Variants in CTNNA3 observed in about 807,000 individuals in gnomAD.
CTNNA3 encodes catenin alpha-3.
A neutral mutation model predicts 95.7 loss-of-function variants in CTNNA3; 76 were observed. The observed-to-expected ratio is 0.79, with a 90% confidence interval of 0.66 to 0.96. The LOEUF (loss-of-function observed/expected upper bound fraction) is 0.96. Among genes scored for constraint, CTNNA3 ranks in the 40% least tolerant of loss-of-function variants. The probability of loss-of-function intolerance (pLI) is 0.00; values close to 1 mark genes in which losing one functional copy is unlikely to be tolerated. For synonymous variants in CTNNA3, 431 were observed against 374.4 expected, an observed-to-expected ratio of 1.15 and a Z score of -1.74; for missense variants, 1,191 against 1,089.8, an observed-to-expected ratio of 1.09 and a Z score of -1.31.
chr10:66,369,923 G>T (rs1480132258), intron 12 of CTNNA3, among the ~76,000 whole-genome samples: 1 of 152,008 alleles, frequency 6.6e-6, no homozygotes, highest in Non-Finnish European at 1.5e-5. Flanking sequence ...ACCCAACCAG[G>T]ACTACATCTG....
At chr10:66,216,670 C>T (rs945188502) in intron 13 of CTNNA3, among the ~76,000 whole-genome samples, 4 of 152,298 alleles carry the variant, frequency 2.6e-5, no homozygotes, top group African/African-American at 9.6e-5. Context: ...CACAGTCTGT[C>T]TGACTTGAGG....
rs544372644 is a variant in CTNNA3, at chr10:66,890,038, G to A, written c.1048-114514C>T. On this transcript the variant is annotated intron_variant, in intron 7 of 17. Transcript: ENST00000433211. ...ACTCCTGACCTCAAGTGATCCACCC[G>A]CCTTGGCTTCCCAAAGTGCTGGGAT... Among the ~76,000 whole-genome samples, 47 of 152,124 alleles carry A rather than the reference G, an allele frequency of 3.1e-4. 1 individual carries two copies. The highest frequency in any genetic ancestry group is 5.3e-4 in the Non-Finnish European group (36 of 67,976).
intron 11 of CTNNA3, among the ~76,000 whole-genome samples, chr10:66,487,727 A>G (rs189019074): frequency 6.6e-6 from 1 of 152,274 alleles, no homozygotes; most frequent in African/African-American, 2.4e-5. Context: ...CAAAACAAAA[A>G]ACCTTGCAAT....
chr10:66,489,449 C>G (rs563688193), intron 11 of CTNNA3, among the ~76,000 whole-genome samples: 1 of 152,036 alleles, frequency 6.6e-6, no homozygotes, highest in Non-Finnish European at 1.5e-5. Context: ...GAATGGCCAA[C>G]TGGAAGAATT....
intron 5 of CTNNA3, among the ~76,000 whole-genome samples, chr10:67,481,430 T>C (rs1848224755): frequency 6.6e-6 from 1 of 152,090 alleles, no homozygotes; most frequent in Admixed American, 6.6e-5. Flanking sequence ...TTCAGTAAAG[T>C]GTCAGGATAC....
chr10:67,609,115 C>T (rs111420460), intron 2 of CTNNA3, among the ~76,000 whole-genome samples: 1 of 139,246 alleles, frequency 7.2e-6, no homozygotes, highest in Non-Finnish European at 1.5e-5. Context: ...AAAAAACAAC[C>T]CATTTCTTAA....
intron 7 of CTNNA3, among the ~76,000 whole-genome samples, chr10:66,994,357 T>C (rs767460281): frequency 6.6e-6 from 1 of 152,216 alleles, no homozygotes; most frequent in Non-Finnish European, 1.5e-5. Context: ...GAAATTTGCT[T>C]CTACATTAGG....
chr10:67,176,841 G>A (rs1862263797), intron 7 of CTNNA3: 1 of 441,402 alleles, frequency 2.3e-6, no homozygotes. Context: ...AGAGGGCCAT[G>A]AGCCAAGGAA....
intron 5 of CTNNA3, among the ~76,000 whole-genome samples, chr10:67,458,878 G>A (rs1265621792): frequency 6.7e-6 from 1 of 150,102 alleles, no homozygotes; most frequent in Non-Finnish European, 1.5e-5. Flanking sequence ...ATTTGGGTGG[G>A]GACAAAAAGT....
At chr10:67,367,730 C>CGA (rs1359553935) in intron 5 of CTNNA3, among the ~76,000 whole-genome samples, 3 of 152,064 alleles carry the variant, frequency 2.0e-5, no homozygotes, top group Non-Finnish European at 4.4e-5. Flanking sequence ...TAAAAAATAA[C>CGA]GAAGTCTTGT....
At chr10:66,480,645 C>A (rs549677362) in intron 11 of CTNNA3, among the ~76,000 whole-genome samples, 3 of 152,168 alleles carry the variant, frequency 2.0e-5, no homozygotes, top group East Asian at 1.9e-4. Context: ...CGCTCTGTCA[C>A]CCAGTCTGGA....
chr10:66,212,644 T>C (rs2088243455), intron 13 of CTNNA3, among the ~76,000 whole-genome samples: 1 of 152,216 alleles, frequency 6.6e-6, no homozygotes, highest in South Asian at 2.1e-4. Flanking sequence ...ATTTGAATTA[T>C]GTATTAATAT....
At chr10:67,466,284 G>A (rs1847591693) in intron 5 of CTNNA3, among the ~76,000 whole-genome samples, 1 of 152,098 alleles carries the variant, frequency 6.6e-6, no homozygotes, top group African/African-American at 2.4e-5. Flanking sequence ...TATGTTCAAA[G>A]TTGTGCCACA....
chr10:66,906,570 CTT>C (rs1314131950), intron 7 of CTNNA3, among the ~76,000 whole-genome samples: 2 of 152,058 alleles, frequency 1.3e-5, no homozygotes, highest in African/African-American at 4.8e-5. Flanking sequence ...GAATTGTAGA[CTT>C]ATATTAATCT....
At chr10:66,148,730 T>TA (rs1423425163) in intron 13 of CTNNA3, among the ~76,000 whole-genome samples, 1 of 104,348 alleles carries the variant, frequency 9.6e-6, no homozygotes, top group Non-Finnish European at 2.0e-5. Flanking sequence ...ATAAATAAAT[T>TA]ATCCACTCTA....
chr10:67,632,312 TAA>T (rs10638046), intron 2 of CTNNA3, among the ~76,000 whole-genome samples: 2 of 144,226 alleles, frequency 1.4e-5, no homozygotes, highest in Non-Finnish European at 1.5e-5. Flanking sequence ...TTAAATATAT[TAA>T]AAAAAAAAAA....
At chr10:66,534,321 C>A (rs1247790969) in intron 10 of CTNNA3, among the ~76,000 whole-genome samples, 2 of 152,084 alleles carry the variant, frequency 1.3e-5, no homozygotes, top group South Asian at 4.1e-4. Context: ...AAGAAAAGCT[C>A]TATAATCTAT....
chr10:67,758,443 C>T (rs1219587382), intron 1 of CTNNA3, among the ~76,000 whole-genome samples: 5 of 151,356 alleles, frequency 3.3e-5, no homozygotes, highest in Non-Finnish European at 1.5e-5. Flanking sequence ...AATAGCCCCC[C>T]AAAAAATAAG....
intron 10 of CTNNA3, among the ~76,000 whole-genome samples, chr10:66,567,376 T>A (rs978866021): frequency 1.3e-5 from 2 of 152,100 alleles, no homozygotes; most frequent in South Asian, 4.1e-4. Flanking sequence ...TTCCAGCAAT[T>A]TGGGGGCCAA....
Sources: gnomAD v4.1 joint callset for allele counts (sites outside exome capture counted in the v4.1 genomes callset) on GRCh38, gnomAD v4.1.1 for gene constraint, MANE v1.5 for transcripts, NCBI Gene and HGNC (gene_info 2026-07-23, HGNC 2026-07-21) for gene names.